The following ATP2B1 variants were observed in gnomAD, a reference collection of about 807,000 sequenced individuals.
ATP2B1 encodes the protein plasma membrane calcium-transporting ATPase 1.
In ATP2B1, 14 loss-of-function variants were observed where a neutral mutation model predicts 124.2. The observed-to-expected ratio is 0.11, with a 90% CI of 0.07 to 0.18. The LOEUF (loss-of-function observed/expected upper bound fraction) is 0.18. Ranked by LOEUF, ATP2B1 falls within the 10% of genes least tolerant of loss-of-function variation. ATP2B1 has a pLI of 1.00. For synonymous variants in ATP2B1, 449 were observed against 492.4 expected (o/e 0.91, Z 1.17); for missense variants, 763 against 1,466.1 (o/e 0.52, Z 7.83).
chr12:89,603,371 G>A lies in ATP2B1; in HGVS notation c.2849-117C>T. ...TTGATCTGAAATGGCAGCATGGAAG[G>A]AGCTAGAGAAACCTGGGATTATCTA... On this transcript the variant is annotated intron_variant, in intron 17 of 20. Coordinates refer to ENST00000428670, the MANE Select transcript of ATP2B1 (RefSeq NM_001366521.1). This position sits in a 1 kb window ranked among gnomAD's most constrained non-coding sequence, Gnocchi z 4.3. 1.1e-6 allele frequency: 1 copy of A among 880,136 alleles called. No individual in the cohort carries two copies. 54.5% of individuals were successfully genotyped at this position (880,136 alleles called of 1,614,324 possible).
intron 9 of ATP2B1, among the ~76,000 whole-genome samples, chr12:89,623,875 G>C (rs1880403431): frequency 6.6e-6 from 1 of 152,172 alleles, no homozygotes; most frequent in African/African-American, 2.4e-5. Flanking sequence ...TTACAGACGG[G>C]AAAGAGGAGG....
At chr12:89,662,141 T>A (rs1054231168) in intron 1 of ATP2B1, among the ~76,000 whole-genome samples, 1 of 151,518 alleles carries the variant, frequency 6.6e-6, no homozygotes, top group South Asian at 2.1e-4. Context: ...TTCTTTCTTT[T>A]TTTTTTTTTT....
At chr12:89,598,319 A>T (rs1425412625) in intron 20 of ATP2B1, among the ~76,000 whole-genome samples, 1 of 152,188 alleles carries the variant, frequency 6.6e-6, no homozygotes, top group Admixed American at 6.6e-5. Flanking sequence ...TCTAAGCTAC[A>T]ATTTTATTCC....
chr12:89,660,236 T>C (rs148531121), intron 1 of ATP2B1, among the ~76,000 whole-genome samples: 8 of 152,324 alleles, frequency 5.3e-5, no homozygotes, highest in East Asian at 1.9e-4. Flanking sequence ...TTTGAAGACC[T>C]AGAAGTTGTA....
rs1873419074 is a variant in ATP2B1, at chr12:89,590,836, T to TTA, written c.*147_*148insTA. 3 of 860,760 alleles carry TTA rather than the reference T, an allele frequency of 3.5e-6. No homozygotes were observed. The highest frequency in any genetic ancestry group is 5.1e-6 in the Non-Finnish European group (3 of 584,882). The allele number at this position is 860,760 out of a possible 1,614,324, so 53.3% of individuals were successfully genotyped here. On this transcript the variant is annotated 3_prime_UTR_variant, in exon 21 of 21. Coordinates refer to ENST00000428670, the MANE Select transcript of ATP2B1 (RefSeq NM_001366521.1). The stretch of plus-strand genomic sequence containing the variant: ...GCAGAAAGCTTTGCTTTTTTTTTTT[T>TTA]AAAAAAATAAATCTACATTCGTACA...
intron 1 of ATP2B1, among the ~76,000 whole-genome samples, chr12:89,669,356 G>A (rs1887673480): frequency 6.6e-6 from 1 of 152,100 alleles, no homozygotes; most frequent in Non-Finnish European, 1.5e-5. Flanking sequence ...GCCCATCTCA[G>A]GTGCCAGCAA....
At chr12:89,688,259 T>C (rs1035965431) in intron 1 of ATP2B1, among the ~76,000 whole-genome samples, 1 of 152,150 alleles carries the variant, frequency 6.6e-6, no homozygotes, top group Non-Finnish European at 1.5e-5. Flanking sequence ...TCATCAATGT[T>C]ACTCTTCATT....
intron 6 of ATP2B1, among the ~76,000 whole-genome samples, chr12:89,628,196 A>T (rs1881217602): frequency 6.6e-6 from 1 of 152,036 alleles, no homozygotes; most frequent in Admixed American, 6.6e-5. Flanking sequence ...TGAGGTCGGG[A>T]GTTCAAGACC....
intron 3 of ATP2B1, among the ~76,000 whole-genome samples, chr12:89,636,733 C>T (rs965237531): frequency 6.6e-6 from 1 of 152,088 alleles, no homozygotes. Context: ...GAAGACTTGA[C>T]GTGAACAGTT....
chr12:89,667,777 TG>T (rs1288319636), intron 1 of ATP2B1, among the ~76,000 whole-genome samples: 1 of 152,216 alleles, frequency 6.6e-6, no homozygotes, highest in Admixed American at 6.5e-5. Context: ...GCTCATGGAT[TG>T]GAAGAATCAG....
intron 1 of ATP2B1, among the ~76,000 whole-genome samples, chr12:89,699,364 T>C (rs1430861656): frequency 1.3e-5 from 2 of 152,238 alleles, no homozygotes; most frequent in Admixed American, 6.5e-5. Flanking sequence ...ATTTAGCTTT[T>C]CAATAAATGT....
chr12:89,699,146 T>C (rs1285293156), intron 1 of ATP2B1, among the ~76,000 whole-genome samples: 1 of 152,210 alleles, frequency 6.6e-6, no homozygotes, highest in Non-Finnish European at 1.5e-5. Flanking sequence ...AACTGACTTG[T>C]TTCTGGGCTT....
Position 89,642,054 on chromosome 12 carries a change from T to C in ATP2B1, c.406+104A>G. 8 of 1,160,524 alleles carry C rather than the reference T, an allele frequency of 6.9e-6. No individual in the cohort carries two copies. In the East Asian group the frequency reaches 7.0e-5, roughly 10 times the overall value. The allele number at this position is 1,160,524 out of a possible 1,614,324, so 71.9% of individuals were successfully genotyped here. A position where few individuals can be genotyped will look rare whatever the true frequency, so the allele number is the denominator to read the frequency against. On this transcript the variant is annotated intron_variant, in intron 3 of 20. Transcript: ENST00000428670. ...GGTACTTAGAACAGTGCCTAGCACATAGCAAACATCAATAAATGCTGGCCA... is the reference window on the plus strand; with the variant it reads ...GGTACTTAGAACAGTGCCTAGCACACAGCAAACATCAATAAATGCTGGCCA...
Position 89,658,598 on chromosome 12 carries a change from GGAGAGAGAGAGA to G in ATP2B1, c.-221-2503_-221-2492del, listed in dbSNP as rs67298800. Among the ~76,000 whole-genome samples, 512 of 69,590 alleles carry G rather than the reference GGAGAGAGAGAGA, an allele frequency of 7.4e-3. 1 individual carries two copies. Among genetic ancestry groups the G allele is most frequent in the African/African-American group, 0.021 (346 of 16,744 alleles). The allele number at this position is 69,590 out of a possible 152,430, so 45.7% of individuals were successfully genotyped here. On this transcript the variant is annotated intron_variant, in intron 1 of 20. Coordinates refer to ENST00000428670, the MANE Select transcript of ATP2B1 (RefSeq NM_001366521.1). ...AGAATTCAAACAGAGAATTCAAACAGGAGAGAGAGAGAGAGAGAGAGAGAGAGAGAGAGAGAG... is the reference window on the plus strand; with the variant it reads ...AGAATTCAAACAGAGAATTCAAACAGGAGAGAGAGAGAGAGAGAGAGAGAG...
intron 1 of ATP2B1, among the ~76,000 whole-genome samples, chr12:89,673,260 T>A (rs1888214693): frequency 6.6e-6 from 1 of 152,228 alleles, no homozygotes; most frequent in South Asian, 2.1e-4. Flanking sequence ...GAGGGAAATA[T>A]TATATGCAAC....
Position 89,611,241 on chromosome 12 carries a change from G to A in ATP2B1, c.2199C>T (p.Cys733=). The A allele has an allele frequency of 6.2e-7, 1 of 1,608,052 alleles. No homozygotes were observed. The highest frequency in any genetic ancestry group is 8.5e-7 in the Non-Finnish European group (1 of 1,177,602). The change falls in exon 13 of 21, where the codon TGC becomes TGT. Residue 733 remains cysteine (C), a synonymous_variant. Coordinates refer to ENST00000428670, the MANE Select transcript of ATP2B1 (RefSeq NM_001366521.1). ...TTCTGTTAAAATCTTTACCTTCTAG[G>A]CACAGAAAATCTTCCCCAGGATGTA... ...GILHPGEDFL[C]LEGKDFNRRI...
chr12:89,627,778 A>G, intron 6 of ATP2B1, 62 bp from the exon 7 acceptor site: 1 of 1,519,590 alleles, frequency 6.6e-7, no homozygotes, highest in Non-Finnish European at 9.1e-7. Context: ...ATGCTAAATT[A>G]TGCAGAAGTA....
At chr12:89,653,945 T>C (rs1449123869) in intron 2 of ATP2B1, among the ~76,000 whole-genome samples, 2 of 152,210 alleles carry the variant, frequency 1.3e-5, no homozygotes, top group Non-Finnish European at 2.9e-5. Context: ...TGAGTGAAGA[T>C]TTGAAACTAA....
At chr12:89,706,765 T>C (rs1892499691) in intron 1 of ATP2B1, among the ~76,000 whole-genome samples, 1 of 152,130 alleles carries the variant, frequency 6.6e-6, no homozygotes, top group Non-Finnish European at 1.5e-5. Flanking sequence ...AATCACGAAA[T>C]TTTAAATTAA....
Sources: allele counts gnomAD v4.1 joint callset (sites outside exome capture counted in the v4.1 genomes callset), GRCh38; gene constraint gnomAD v4.1.1; non-coding constraint Gnocchi (gnomAD v3.1); transcripts MANE v1.5; gene names NCBI Gene and HGNC (gene_info 2026-07-23, HGNC 2026-07-21).